PPARG: variants seen among roughly 807,000 people sequenced by gnomAD.
The protein encoded by PPARG is peroxisome proliferator-activated receptor gamma.
Under a neutral mutation model 39.2 loss-of-function variants are expected in PPARG, and 17 were observed. The ratio of observed to expected loss-of-function variants is 0.43; its 90% CI spans 0.30 to 0.65. The LOEUF (loss-of-function observed/expected upper bound fraction) is 0.65. Ranked by LOEUF, PPARG falls within the 30% of genes least tolerant of loss-of-function variation. The pLI is 0.13. For synonymous variants in PPARG, 223 were observed against 215.7 expected, an observed-to-expected ratio of 1.03 and a Z score of -0.30; for missense variants, 406 against 585.9, an observed-to-expected ratio of 0.69 and a Z score of 3.17.
chr3:12,387,060 T>C (rs1367318523), intron 4 of PPARG, among the ~76,000 whole-genome samples: 1 of 152,224 alleles, frequency 6.6e-6, no homozygotes, highest in African/African-American at 2.4e-5. Context: ...CATCCTTTTT[T>C]ATGGCTGCAT....
chr3:12,388,705 C>A lies in PPARG; in HGVS notation c.391-3909C>A, dbSNP rs1017845443. Among the ~76,000 whole-genome samples, 4 of 152,106 alleles carry A rather than the reference C, an allele frequency of 2.6e-5. No individual in the cohort carries two copies. In the South Asian group the frequency reaches 6.2e-4, roughly 24 times the overall value. Reference sequence around the variant, plus strand: ...AACTGATACAGACTCCCTGCTCTTCCCCTACCTGGGGAAAGCAGAAATTGG... The same window carrying A: ...AACTGATACAGACTCCCTGCTCTTCACCTACCTGGGGAAAGCAGAAATTGG... On this transcript the variant is annotated intron_variant, in intron 4 of 7. Transcript: ENST00000651735.
At chr3:12,332,352 A>G (rs2047885504) in intron 2 of PPARG, among the ~76,000 whole-genome samples, 1 of 152,182 alleles carries the variant, frequency 6.6e-6, no homozygotes, top group Non-Finnish European at 1.5e-5. Context: ...TTTATTTTTG[A>G]GTAGCAAATA....
intron 4 of PPARG, among the ~76,000 whole-genome samples, chr3:12,384,511 T>A (rs551582173): frequency 2.6e-5 from 4 of 152,254 alleles, no homozygotes; most frequent in Admixed American, 1.3e-4. Flanking sequence ...TGAGGTACAT[T>A]TGCATATATC....
chr3:12,349,693 A>G lies in PPARG; in HGVS notation c.-8-30011A>G, dbSNP rs560952667. Among the ~76,000 whole-genome samples the G allele has an allele frequency of 1.7e-3, 254 of 152,238 alleles. 1 individual carries two copies. Among genetic ancestry groups the G allele is most frequent in the Admixed American group, 4.3e-3 (66 of 15,278 alleles). On this transcript the variant is annotated intron_variant, in intron 2 of 7. Coordinates refer to ENST00000651735, the MANE Select transcript of PPARG (RefSeq NM_138711.6). ...ACAAACAAATGCATGAAATGTAATG[A>G]GTAAGACAGGTTTTCGCTTTCAAGT... is the stretch of plus-strand genomic sequence containing the variant.
chr3:12,316,059 C>A (rs896539338), intron 2 of PPARG, among the ~76,000 whole-genome samples: 1 of 152,088 alleles, frequency 6.6e-6, no homozygotes, highest in Non-Finnish European at 1.5e-5. Flanking sequence ...AGTAGTACTA[C>A]GGGAACTTTC....
chr3:12,288,303 G>A (rs2124909542), upstream of PPARG, among the ~76,000 whole-genome samples: 1 of 152,018 alleles, frequency 6.6e-6, no homozygotes, highest in Middle Eastern at 3.4e-3. Flanking sequence ...AGGGCACCCG[G>A]GCTGAGGGTC....
chr3:12,289,701 A>G (rs1055293778), intron 1 of PPARG, among the ~76,000 whole-genome samples: 1 of 152,198 alleles, frequency 6.6e-6, no homozygotes, highest in Admixed American at 6.5e-5. Context: ...TAGATGATTT[A>G]GAAAACCTTT....
chr3:12,347,881 C>G (rs1417144212), intron 2 of PPARG, among the ~76,000 whole-genome samples: 1 of 152,122 alleles, frequency 6.6e-6, no homozygotes, highest in African/African-American at 2.4e-5. Context: ...GCAATGAGAT[C>G]TAAATGCTTA....
chr3:12,381,379 A>G lies in PPARG; in HGVS notation c.278A>G (p.Tyr93Cys). Residue 93 changes from tyrosine (Y) to cysteine (C), a missense_variant, in exon 4 of 8, where the codon TAC (tyrosine) becomes TGC (cysteine). This residue lies in a region of PPARG where 131 missense variants were observed against 127.9 expected (regional missense o/e 1.02). Coordinates refer to ENST00000651735, the MANE Select transcript of PPARG (RefSeq NM_138711.6). ...TATTATTCTGAGAAGACTCAGCTCT[A>G]CAATAAGCCTCATGAAGAGCCTTCC... ...PPYYSEKTQL[Y>C]NKPHEEPSNS... 6.2e-7 allele frequency: 1 copy of G among 1,613,418 alleles called. No individual in the cohort carries two copies. Among genetic ancestry groups the G allele is most frequent in the African/African-American group, 1.3e-5 (1 of 75,012 alleles).
chr3:12,406,122 GT>G, intron 6 of PPARG, 41 bp downstream of exon 6: 1 of 1,591,202 alleles, frequency 6.3e-7, no homozygotes, highest in Non-Finnish European at 8.6e-7. Flanking sequence ...GAGGCGGGAA[GT>G]TGTTTTGGGT....
chr3:12,406,210 A>T, intron 6 of PPARG, 129 bp downstream of exon 6: 1 of 958,590 alleles, frequency 1.0e-6, no homozygotes, highest in Non-Finnish European at 1.6e-6. Flanking sequence ...GGCTGTTAAC[A>T]TATTGCAGGC....
rs567032828 is a variant in PPARG, at chr3:12,319,997, C to A, written c.-9+7544C>A. On this transcript the variant is annotated intron_variant, in intron 2 of 7. Transcript: ENST00000651735. Reference sequence around the variant, plus strand: ...ATAGAAAGAGGTTGAGTAACTTACTCGAGCTAACAGTCACCGGTACACGCT... The same window carrying A: ...ATAGAAAGAGGTTGAGTAACTTACTAGAGCTAACAGTCACCGGTACACGCT... Among the ~76,000 whole-genome samples the A allele has an allele frequency of 3.3e-5, 5 of 152,278 alleles. No individual in the cohort carries two copies. The East Asian group carries it at 9.6e-4, about 29-fold the overall frequency.
chr3:12,322,619 T>G (rs2047577214), intron 2 of PPARG, among the ~76,000 whole-genome samples: 1 of 152,094 alleles, frequency 6.6e-6, no homozygotes, highest in Non-Finnish European at 1.5e-5. Context: ...AAGCTGGAAA[T>G]TTTAAACATG....
intron 6 of PPARG, among the ~76,000 whole-genome samples, chr3:12,414,606 G>C (rs1168671604): frequency 6.6e-6 from 1 of 151,958 alleles, no homozygotes; most frequent in Non-Finnish European, 1.5e-5. Context: ...CTCATAATTA[G>C]AACCTGACGT....
chr3:12,346,690 A>T (rs1426562528), intron 2 of PPARG, among the ~76,000 whole-genome samples: 1 of 151,816 alleles, frequency 6.6e-6, no homozygotes, highest in African/African-American at 2.4e-5. Flanking sequence ...GCTAGAGTGC[A>T]GTGATGCGAT....
At chr3:12,427,090 C>G (rs13099828) in intron 7 of PPARG, among the ~76,000 whole-genome samples, 24,004 of 152,158 alleles carry the variant, frequency 0.16, 2,151 homozygotes, top group Admixed American at 0.24. Context: ...TGCACTAGAC[C>G]AAGCTCCGAT....
rs931267946 is a variant in PPARG, at chr3:12,298,173, C to T, written c.-83+9039C>T. Among the ~76,000 whole-genome samples the T allele has an allele frequency of 5.4e-5, 8 of 148,030 alleles. 1 individual carries two copies. The East Asian group carries it at 7.9e-4, about 15-fold the overall frequency. On this transcript the variant is annotated intron_variant, in intron 1 of 7. Transcript: ENST00000651735. ...AATTAGCCGGGCGTAGTGGCGGGCG[C>T]CTGTAGTCCCAGCTACTTGGGAGGC...
intron 7 of PPARG, among the ~76,000 whole-genome samples, chr3:12,417,545 T>C (rs2051104919): frequency 6.6e-6 from 1 of 152,174 alleles, no homozygotes; most frequent in South Asian, 2.1e-4. Flanking sequence ...GCTCACTTGA[T>C]GTAGAGAAGG....
chr3:12,365,311 A>AT (rs1336680629), intron 2 of PPARG, among the ~76,000 whole-genome samples: 1 of 152,168 alleles, frequency 6.6e-6, no homozygotes, highest in Non-Finnish European at 1.5e-5. Context: ...GTACAGATAC[A>AT]TTCTCCCCAT....
Sources: gnomAD v4.1 joint callset for allele counts (sites outside exome capture counted in the v4.1 genomes callset) on GRCh38, gnomAD v4.1.1 for gene constraint, gnomAD v4.1.1 regional missense constraint, MANE v1.5 for transcripts, NCBI Gene and HGNC (gene_info 2026-07-23, HGNC 2026-07-21) for gene names.